The following CDH12 variants were observed in gnomAD, a reference collection of about 807,000 sequenced individuals.
CDH12 encodes cadherin-12.
Under a neutral mutation model 74.1 loss-of-function variants are expected in CDH12, and 41 were observed. The observed-to-expected ratio is 0.55, with a 90% CI of 0.43 to 0.72. The LOEUF is 0.72. Ranked by LOEUF, CDH12 falls within the 30% of genes least tolerant of loss-of-function variation. CDH12 has a pLI of 0.00. For missense variants in CDH12, 945 were observed against 977.2 expected (o/e 0.97, Z 0.44); for synonymous variants, 399 against 355.0 (o/e 1.12, Z -1.39).
At chr5:22,196,184 C>T (rs1313581362) in intron 4 of CDH12, among the ~76,000 whole-genome samples, 23 of 144,678 alleles carry the variant, frequency 1.6e-4, no homozygotes, top group South Asian at 4.4e-4. Flanking sequence ...CTTGCTCTGT[C>T]GCCAGGCTTG....
chr5:22,538,901 T>A (rs1737979729), intron 1 of CDH12, among the ~76,000 whole-genome samples: 1 of 152,158 alleles, frequency 6.6e-6, no homozygotes. Context: ...TTTGTTTACT[T>A]AATTTCTCTT....
chr5:22,156,575 T>C (rs1748035688), intron 4 of CDH12, among the ~76,000 whole-genome samples: 1 of 152,136 alleles, frequency 6.6e-6, no homozygotes, highest in Non-Finnish European at 1.5e-5. Context: ...ATGTGTCATT[T>C]AATTTAGCTA....
At position 21,838,723 on chromosome 5, in the gene CDH12, C is replaced by T. The variant is rs78948699; in HGVS notation, c.814+3438G>A. On this transcript the variant is annotated intron_variant, in intron 8 of 14. Transcript: ENST00000382254. ...GATACTCTTTTCATTTGTTAAGATC[C>T]GAAAATGACCATCTTGTTTCAGTGG... Among the ~76,000 whole-genome samples the T allele has an allele frequency of 5.5e-3, 835 of 152,212 alleles. 5 individuals carry two copies. The highest frequency in any genetic ancestry group is 0.018 in the African/African-American group (766 of 41,542).
At chr5:22,304,795 T>TACC (rs1738032441) in intron 3 of CDH12, among the ~76,000 whole-genome samples, 1 of 152,184 alleles carries the variant, frequency 6.6e-6, no homozygotes, top group African/African-American at 2.4e-5. Context: ...GGAACAAAGA[T>TACC]ATCATAACCA....
At chr5:22,447,220 T>A (rs1369246644) in intron 2 of CDH12, among the ~76,000 whole-genome samples, 1 of 152,122 alleles carries the variant, frequency 6.6e-6, no homozygotes, top group Non-Finnish European at 1.5e-5. Context: ...ATAGACTACT[T>A]CATTGTATTC....
chr5:22,423,545 G>C (rs1187769602), intron 2 of CDH12, among the ~76,000 whole-genome samples: 1 of 152,150 alleles, frequency 6.6e-6, no homozygotes, highest in Non-Finnish European at 1.5e-5. Flanking sequence ...AGCTATTCTT[G>C]TCTCACAATT....
At chr5:22,015,650 TA>T (rs1044400888) in intron 5 of CDH12, among the ~76,000 whole-genome samples, 66 of 152,282 alleles carry the variant, frequency 4.3e-4, no homozygotes, top group African/African-American at 1.5e-3. Context: ...TTCAGCTATT[TA>T]AATACCTAAT....
intron 1 of CDH12, among the ~76,000 whole-genome samples, chr5:22,636,532 G>GA (rs1436992591): frequency 2.0e-5 from 3 of 152,106 alleles, no homozygotes. Flanking sequence ...GATGTACAAT[G>GA]AAAATGTTAT....
Position 21,751,827 on chromosome 5 carries a change from A to T in CDH12, c.2295T>A (p.Tyr765Ter). 1 of 1,614,098 alleles carries T rather than the reference A, an allele frequency of 6.2e-7. No individual in the cohort carries two copies. The highest frequency in any genetic ancestry group is 8.5e-7 in the Non-Finnish European group (1 of 1,180,002). Residue 765 changes from tyrosine to a stop codon, truncating the protein, a stop_gained, in exon 15 of 15, where the codon TAT becomes TAA. Coordinates refer to ENST00000382254, the MANE Select transcript of CDH12 (RefSeq NM_004061.5). LOFTEE classifies it high-confidence loss of function. ...DSLTTEADQD[Y>*]DYLTDWGPRF... ...GGGGTCCCCAGTCTGTCAGATAGTC[A>T]TAGTCCTGGTCGGCTTCTGTGGTGA...
chr5:22,271,687 T>C (rs1318596791), intron 3 of CDH12, among the ~76,000 whole-genome samples: 1 of 152,246 alleles, frequency 6.6e-6, no homozygotes, highest in African/African-American at 2.4e-5. Context: ...GAATGGATGC[T>C]GTCTTAGCAG....
chr5:22,066,899 A>C (rs1741601905), intron 5 of CDH12, among the ~76,000 whole-genome samples: 1 of 152,176 alleles, frequency 6.6e-6, no homozygotes, highest in African/African-American at 2.4e-5. Context: ...TCCAACTGCA[A>C]CTGTTTTGCC....
intron 6 of CDH12, among the ~76,000 whole-genome samples, chr5:21,863,219 C>T (rs1469306669): frequency 6.6e-6 from 1 of 152,050 alleles, no homozygotes; most frequent in Non-Finnish European, 1.5e-5. Context: ...CACTTATTTA[C>T]TGTTTATGAT....
intron 11 of CDH12, among the ~76,000 whole-genome samples, chr5:21,771,405 T>G (rs1286846446): frequency 6.6e-6 from 1 of 152,216 alleles, no homozygotes; most frequent in African/African-American, 2.4e-5. Flanking sequence ...AATGGCACAT[T>G]AAATTATATC....
intron 1 of CDH12, among the ~76,000 whole-genome samples, chr5:22,541,150 C>A (rs1219675527): frequency 1.3e-5 from 2 of 152,108 alleles, no homozygotes; most frequent in African/African-American, 4.8e-5. Flanking sequence ...AGCTATCATG[C>A]CTATCAAGCC....
intron 1 of CDH12, among the ~76,000 whole-genome samples, chr5:22,714,885 G>A (rs1743489898): frequency 6.6e-6 from 1 of 152,154 alleles, no homozygotes; most frequent in Non-Finnish European, 1.5e-5. Context: ...TTGAACAGAT[G>A]TAAAACTCCT....
At chr5:22,375,564 C>T (rs904163675) in intron 3 of CDH12, among the ~76,000 whole-genome samples, 1 of 151,966 alleles carries the variant, frequency 6.6e-6, no homozygotes, top group African/African-American at 2.4e-5. Context: ...GGACTAATAT[C>T]CAGAATACAT....
intron 2 of CDH12, among the ~76,000 whole-genome samples, chr5:22,492,479 C>G (rs1190306057): frequency 1.3e-5 from 2 of 151,822 alleles, no homozygotes; most frequent in African/African-American, 2.4e-5. Flanking sequence ...TCCCGAGTAG[C>G]TGGGATTACA....
chr5:21,807,177 C>T (rs183620687), intron 9 of CDH12, among the ~76,000 whole-genome samples: 1 of 152,262 alleles, frequency 6.6e-6, no homozygotes, highest in African/African-American at 2.4e-5. Context: ...TCAACCAGTC[C>T]TATGGCTCCC....
chr5:22,511,829 C>T (rs1306028636), intron 1 of CDH12, among the ~76,000 whole-genome samples: 6 of 152,236 alleles, frequency 3.9e-5, no homozygotes, highest in African/African-American at 1.4e-4. Flanking sequence ...AAAAGCATTT[C>T]AGTTATGACA....
Sources: allele counts gnomAD v4.1 joint callset (sites outside exome capture counted in the v4.1 genomes callset), GRCh38; gene constraint gnomAD v4.1.1; transcripts MANE v1.5; gene names NCBI Gene and HGNC (gene_info 2026-07-23, HGNC 2026-07-21).